Variants in TBL1XR1 observed in about 807,000 individuals in gnomAD.
The protein encoded by TBL1XR1 is F-box-like/WD repeat-containing protein TBL1XR1.
Under a neutral mutation model 66.9 loss-of-function variants are expected in TBL1XR1, and 5 were observed. The ratio of observed to expected loss-of-function variants is 0.07; its 90% CI spans 0.04 to 0.16. The LOEUF (loss-of-function observed/expected upper bound fraction) is 0.16, where lower values mean the gene tolerates loss of function less well. Among genes scored for constraint, TBL1XR1 ranks in the 10% least tolerant of loss-of-function variants. The pLI is 1.00. For synonymous variants in TBL1XR1, 210 were observed against 206.0 expected, an observed-to-expected ratio of 1.02 and a Z score of -0.17; for missense variants, 238 against 623.2, an observed-to-expected ratio of 0.38 and a Z score of 6.58.
At chr3:177,091,186 A>G (rs1240623727) in intron 2 of TBL1XR1, 2 of 152,136 alleles carry the variant, frequency 1.3e-5, no homozygotes, top group African/African-American at 4.8e-5. Context: ...TCCCACTGAG[A>G]CGTGGACAAA....
chr3:177,197,959 G>A (rs1040822301), upstream of TBL1XR1, among the ~76,000 whole-genome samples: 5 of 150,986 alleles, frequency 3.3e-5, no homozygotes, highest in Non-Finnish European at 5.9e-5. Flanking sequence ...TGGAGCCGCC[G>A]GCGAAGTTTC....
At chr3:177,125,344 C>CA (rs1727479322) in intron 1 of TBL1XR1, among the ~76,000 whole-genome samples, 1 of 152,008 alleles carries the variant, frequency 6.6e-6, no homozygotes, top group Admixed American at 6.5e-5. Context: ...AACAAAATCA[C>CA]AATGAGGTGC....
intron 2 of TBL1XR1, among the ~76,000 whole-genome samples, chr3:177,097,570 T>C (rs1454305960): frequency 6.6e-6 from 1 of 152,056 alleles, no homozygotes; most frequent in Non-Finnish European, 1.5e-5. Flanking sequence ...CTTTCTGCTA[T>C]ATCACATGAT....
At chr3:177,120,796 CA>C (rs1726895022) in intron 1 of TBL1XR1, 1 of 152,190 alleles carries the variant, frequency 6.6e-6, no homozygotes, top group South Asian at 2.1e-4. Context: ...ACCTTCGGAC[CA>C]GCTCAAATTT....
intron 4 of TBL1XR1, among the ~76,000 whole-genome samples, chr3:177,052,612 A>C (rs2862644): frequency 0.072 from 11,039 of 152,332 alleles, 521 homozygotes; most frequent in South Asian, 0.17. Flanking sequence ...GAAAAAATTT[A>C]GTTTTGCGTT....
At chr3:177,151,202 C>T (rs555773917) in intron 1 of TBL1XR1, among the ~76,000 whole-genome samples, 16 of 152,258 alleles carry the variant, frequency 1.1e-4, no homozygotes, top group Admixed American at 6.5e-4. Context: ...GACTGAGAGC[C>T]ACACATTTTT....
At chr3:177,047,609 A>C (rs991149665) in intron 7 of TBL1XR1, 60 bp from the exon 8 acceptor site, 2 of 1,528,086 alleles carry the variant, frequency 1.3e-6, no homozygotes, top group Admixed American at 1.8e-5. Context: ...AATTGTTGTT[A>C]AAGTATTTCA....
chr3:177,133,324 A>C (rs563208166), intron 1 of TBL1XR1, among the ~76,000 whole-genome samples: 7 of 152,184 alleles, frequency 4.6e-5, no homozygotes, highest in Non-Finnish European at 8.8e-5. Flanking sequence ...TAAATAAACG[A>C]ATCCACAATC....
intron 9 of TBL1XR1, 118 bp downstream of exon 9, chr3:177,047,182 A>C: frequency 1.2e-6 from 1 of 809,010 alleles, no homozygotes; most frequent in Non-Finnish European, 1.9e-6. Context: ...TTCTAGCATA[A>C]ATTCCTATGT....
rs559029046 is a variant in TBL1XR1, at chr3:177,119,543, T to C, written c.-121-21002A>G. 3.3e-5 allele frequency among the ~76,000 whole-genome samples: 5 copies of C among 152,340 alleles called. No homozygotes were observed. In the South Asian group the frequency reaches 1.0e-3, roughly 32 times the overall value. On this transcript the variant is annotated intron_variant, in intron 1 of 15. Coordinates refer to ENST00000457928, the MANE Select transcript of TBL1XR1 (RefSeq NM_024665.7). Reference sequence around the variant, plus strand: ...CTACATAGAATGGTTATTCATATACTGTCTTTGTTTCTTAACTGTCCCGCA... The same window carrying C: ...CTACATAGAATGGTTATTCATATACCGTCTTTGTTTCTTAACTGTCCCGCA...
intron 1 of TBL1XR1, among the ~76,000 whole-genome samples, chr3:177,166,703 T>C (rs1732865218): frequency 6.6e-6 from 1 of 152,222 alleles, no homozygotes; most frequent in African/African-American, 2.4e-5. Flanking sequence ...CTTTTCTATA[T>C]AAATTACCTG....
intron 2 of TBL1XR1, among the ~76,000 whole-genome samples, chr3:177,085,078 A>C (rs1721956083): frequency 6.6e-6 from 1 of 152,232 alleles, no homozygotes; most frequent in Non-Finnish European, 1.5e-5. Context: ...AAACTAAATC[A>C]GAAAAAACGA....
chr3:177,145,335 T>C (rs569054718), intron 1 of TBL1XR1, among the ~76,000 whole-genome samples: 3 of 152,258 alleles, frequency 2.0e-5, no homozygotes, highest in Admixed American at 1.3e-4. Context: ...CAGCACTGCA[T>C]TGTTTTTTTC....
chr3:177,155,778 A>G (rs1328790712), intron 1 of TBL1XR1, among the ~76,000 whole-genome samples: 1 of 152,130 alleles, frequency 6.6e-6, no homozygotes, highest in Non-Finnish European at 1.5e-5. Context: ...CACTCCGGGA[A>G]GAGGGCGGAT....
intron 1 of TBL1XR1, among the ~76,000 whole-genome samples, chr3:177,194,902 T>G (rs1043332991): frequency 1.3e-5 from 2 of 152,206 alleles, no homozygotes; most frequent in Non-Finnish European, 2.9e-5. Context: ...AAGGGGTCAC[T>G]CCATTTACCA....
chr3:177,092,375 A>G (rs1479939702), intron 2 of TBL1XR1, among the ~76,000 whole-genome samples: 1 of 152,206 alleles, frequency 6.6e-6, no homozygotes, highest in African/African-American at 2.4e-5. Context: ...GGAAAAGATG[A>G]ACATTATACT....
chr3:177,059,167 G>GA (rs1718189971), intron 3 of TBL1XR1, among the ~76,000 whole-genome samples: 6 of 152,192 alleles, frequency 3.9e-5, no homozygotes, highest in Admixed American at 3.9e-4. Context: ...TTCATGACTA[G>GA]AAGCACATTA....
At chr3:177,158,172 A>AAAAACG (rs1305399503) in intron 1 of TBL1XR1, among the ~76,000 whole-genome samples, 21 of 151,152 alleles carry the variant, frequency 1.4e-4, no homozygotes, top group African/African-American at 4.6e-4. Context: ...AAACAAAAAC[A>AAAAACG]AAAACAAAAA....
chr3:177,186,810 T>A (rs1490395850), intron 1 of TBL1XR1, among the ~76,000 whole-genome samples: 2 of 152,126 alleles, frequency 1.3e-5, no homozygotes, highest in African/African-American at 4.8e-5. Flanking sequence ...TCATGGCCAG[T>A]CGTGGTGTCT....
Sources: gnomAD v4.1 joint callset for allele counts (sites outside exome capture counted in the v4.1 genomes callset) on GRCh38, gnomAD v4.1.1 for gene constraint, MANE v1.5 for transcripts, NCBI Gene and HGNC (gene_info 2026-07-23, HGNC 2026-07-21) for gene names.